The following APCDD1L variants were observed in gnomAD, a reference collection of about 807,000 sequenced individuals.
APCDD1L encodes protein APCDD1-like.
A neutral mutation model predicts 24.2 loss-of-function variants in APCDD1L; 21 were observed. The observed-to-expected ratio is 0.87, with a 90% CI of 0.61 to 1.25. APCDD1L has a LOEUF of 1.25. APCDD1L is among the 50% of genes most tolerant of loss of function. APCDD1L has a pLI of 0.00. For synonymous variants in APCDD1L, 321 were observed against 323.6 expected, an observed-to-expected ratio of 0.99 and a Z score of 0.09; for missense variants, 704 against 711.7, an observed-to-expected ratio of 0.99 and a Z score of 0.12.
intron 1 of APCDD1L, among the ~76,000 whole-genome samples, chr20:58,502,602 A>G (rs1022575838): frequency 6.6e-6 from 1 of 152,286 alleles, no homozygotes; most frequent in Non-Finnish European, 1.5e-5. Flanking sequence ...CATTCTCACC[A>G]CTGAGTTGAA....
intron 1 of APCDD1L, among the ~76,000 whole-genome samples, chr20:58,475,400 T>C (rs917716555): frequency 2.6e-5 from 4 of 152,188 alleles, no homozygotes; most frequent in African/African-American, 9.7e-5. Flanking sequence ...GCGGTAGTTA[T>C]CATAACAGCC....
At chr20:58,496,588 G>A (rs1307479428) in intron 1 of APCDD1L, among the ~76,000 whole-genome samples, 1 of 152,248 alleles carries the variant, frequency 6.6e-6, no homozygotes, top group Non-Finnish European at 1.5e-5. Context: ...GCAGGTGCAA[G>A]GGTCCTGAGG....
At chr20:58,509,200 C>G (rs1000834451) in intron 1 of APCDD1L, among the ~76,000 whole-genome samples, 2 of 151,974 alleles carry the variant, frequency 1.3e-5, no homozygotes. Flanking sequence ...CAGGAGCTGC[C>G]CAGGTAGTTG....
intron 1 of APCDD1L, among the ~76,000 whole-genome samples, chr20:58,496,947 T>C (rs1990334434): frequency 6.6e-6 from 1 of 151,890 alleles, no homozygotes; most frequent in African/African-American, 2.4e-5. Flanking sequence ...CAGTGTCCAG[T>C]GAAATAAAAA....
intron 1 of APCDD1L, among the ~76,000 whole-genome samples, chr20:58,514,399 A>T (rs1051386603): frequency 2.6e-5 from 4 of 152,182 alleles, no homozygotes. Context: ...CCTACAGGCC[A>T]GGCCCCGACT....
Position 58,461,289 on chromosome 20 carries a change from T to C in APCDD1L, c.1007A>G (p.Tyr336Cys). The part of the protein sequence containing the change: ...PTFTVYAAGR[Y>C]TRGTPSTRVR... ...CCTGGTGGATGGCGTGCCCCTGGTG[T>C]AGCGGCCGGCGGCATACACGGTGAA... The change falls in exon 4 of 4, where the codon TAC becomes TGC. Residue 336 changes from tyrosine (Y) to cysteine (C), a missense_variant. Coordinates refer to ENST00000371149, the MANE Select transcript of APCDD1L (RefSeq NM_153360.3). This position sits in a 1 kb window ranked among gnomAD's most constrained non-coding sequence, Gnocchi z 6.0. 1 of 1,611,876 alleles carries C rather than the reference T, an allele frequency of 6.2e-7. No homozygotes were observed. Among genetic ancestry groups the C allele is most frequent in the Non-Finnish European group, 8.5e-7 (1 of 1,178,818 alleles).
intron 1 of APCDD1L, among the ~76,000 whole-genome samples, chr20:58,491,371 A>G (rs1360345838): frequency 6.6e-6 from 1 of 152,252 alleles, no homozygotes; most frequent in Non-Finnish European, 1.5e-5. Flanking sequence ...AAATCTACAG[A>G]CAAATTATTA....
rs1316695742 is a variant in APCDD1L at position 58,514,702 on chromosome 20, G to C, written c.6C>G (p.Pro2=). ...CGCAAGCGTAGGGGAGCATGGCTGC[G>C]GGCATCCCGTCGGGGCTGGCAGGAC... The part of the protein sequence containing the change: M[P]AAMLPYACVL... The change falls in exon 1 of 4, where the codon CCC becomes CCG. Residue 2 remains proline, a synonymous_variant. Transcript: ENST00000371149. 25 of 1,309,790 alleles carry C rather than the reference G, an allele frequency of 1.9e-5. No homozygotes were observed. The highest frequency in any genetic ancestry group is 2.4e-5 in the Non-Finnish European group (25 of 1,021,524). The allele number at this position is 1,309,790 out of a possible 1,614,324, so 81.1% of individuals were successfully genotyped here.
At chr20:58,507,547 C>T (rs1012554004) in intron 1 of APCDD1L, among the ~76,000 whole-genome samples, 40 of 152,140 alleles carry the variant, frequency 2.6e-4, no homozygotes, top group African/African-American at 6.0e-4. Flanking sequence ...ACACACACCC[C>T]GACACACACA....
rs886607827 is a variant in APCDD1L at position 58,514,016 on chromosome 20, C to T, written c.49+643G>A. 3 of 1,235,520 alleles carry T rather than the reference C, an allele frequency of 2.4e-6. No individual in the cohort carries two copies. The African/African-American group carries it at 4.7e-5, about 19-fold the overall frequency. 76.5% of individuals were successfully genotyped at this position (1,235,520 alleles called of 1,614,324 possible). On this transcript the variant is annotated intron_variant, in intron 1 of 3. Transcript: ENST00000371149. ...TGATGGCACACTCCAGTCAGCTGGC[C>T]TTTGTACAGTTTTGTCTACCCTACT...
intron 1 of APCDD1L, among the ~76,000 whole-genome samples, chr20:58,506,912 G>T (rs1184353361): frequency 6.6e-6 from 1 of 152,202 alleles, no homozygotes; most frequent in Non-Finnish European, 1.5e-5. Context: ...TTTCACTGGA[G>T]GGTGGCAGTT....
At chr20:58,466,381 G>A (rs911896472) in intron 3 of APCDD1L, among the ~76,000 whole-genome samples, 1 of 152,224 alleles carries the variant, frequency 6.6e-6, no homozygotes, top group Non-Finnish European at 1.5e-5. Flanking sequence ...CCTCTCACAA[G>A]AAGCCCAGGC....
intron 1 of APCDD1L, among the ~76,000 whole-genome samples, chr20:58,502,823 C>T (rs1223699424): frequency 6.6e-6 from 1 of 152,048 alleles, no homozygotes; most frequent in Non-Finnish European, 1.5e-5. Context: ...CAGCTCTGGT[C>T]GCAAACACTC....
chr20:58,486,331 A>G (rs998820660), intron 1 of APCDD1L, among the ~76,000 whole-genome samples: 3 of 152,224 alleles, frequency 2.0e-5, no homozygotes, highest in Non-Finnish European at 4.4e-5. Context: ...ATAAGAACTT[A>G]GTGGCTGGTT....
chr20:58,485,660 C>G (rs988693322), intron 1 of APCDD1L, among the ~76,000 whole-genome samples: 1 of 152,180 alleles, frequency 6.6e-6, no homozygotes, highest in Non-Finnish European at 1.5e-5. Context: ...TCACTCTGGC[C>G]CCTGTAATTC....
chr20:58,503,746 TC>T (rs1990484749), intron 1 of APCDD1L, among the ~76,000 whole-genome samples: 1 of 152,204 alleles, frequency 6.6e-6, no homozygotes, highest in Non-Finnish European at 1.5e-5. Flanking sequence ...GGGCATGGTC[TC>T]AAACTTTGTA....
Position 58,461,702 on chromosome 20 carries a change from T to G in APCDD1L, c.742-148A>C. ...TCCTCTCTCTCCTCACTCCCTGCCT[T>G]CAGTCAGGACGACCTCCTTGCTTCA... is the stretch of plus-strand genomic sequence containing the variant. On this transcript the variant is annotated intron_variant, in intron 3 of 3. Transcript: ENST00000371149. The surrounding 1 kb of genome is among the most constrained non-coding windows in gnomAD (Gnocchi z 6.0). 2 of 816,180 alleles carry G rather than the reference T, an allele frequency of 2.5e-6. No individual in the cohort carries two copies. Among genetic ancestry groups the G allele is most frequent in the Non-Finnish European group, 3.3e-6 (2 of 598,922 alleles). The allele number at this position is 816,180 out of a possible 1,614,324, so 50.6% of individuals were successfully genotyped here.
At chr20:58,488,491 A>C (rs1471735589) in intron 1 of APCDD1L, among the ~76,000 whole-genome samples, 1 of 152,270 alleles carries the variant, frequency 6.6e-6, no homozygotes, top group Non-Finnish European at 1.5e-5. Context: ...TGTCTCAACA[A>C]ATTCAAATAA....
Position 58,461,579 on chromosome 20 carries a change from G to A in APCDD1L, c.742-25C>T, listed in dbSNP as rs1292693751. 41 of 1,411,958 alleles carry A rather than the reference G, an allele frequency of 2.9e-5. No individual in the cohort carries two copies. Among genetic ancestry groups the A allele is most frequent in the East Asian group, 1.3e-4 (5 of 39,240 alleles). 87.5% of individuals were successfully genotyped at this position (1,411,958 alleles called of 1,614,324 possible). ...GCTGGCAAAAGACAAACAGAAAAAC[G>A]GTGGTTGTCCCACATAGAGAAGTTG... On this transcript the variant is annotated intron_variant, in intron 3 of 3. Coordinates refer to ENST00000371149, the MANE Select transcript of APCDD1L (RefSeq NM_153360.3). This position sits in a 1 kb window ranked among gnomAD's most constrained non-coding sequence, Gnocchi z 6.0.
Sources: allele counts gnomAD v4.1 joint callset (sites outside exome capture counted in the v4.1 genomes callset), GRCh38; gene constraint gnomAD v4.1.1; non-coding constraint Gnocchi (gnomAD v3.1); transcripts MANE v1.5; gene names NCBI Gene and HGNC (gene_info 2026-07-23, HGNC 2026-07-21).